Variants in VTI1A observed in about 807,000 individuals in gnomAD.
VTI1A encodes the protein vesicle transport through interaction with t-SNAREs homolog 1A.
Under a neutral mutation model 34.9 loss-of-function variants are expected in VTI1A, and 22 were observed. The ratio of observed to expected loss-of-function variants is 0.63; its 90% CI spans 0.45 to 0.90. The LOEUF is 0.90. Ranked by LOEUF, VTI1A falls within the 40% of genes least tolerant of loss-of-function variation. The pLI is 0.00. For synonymous variants in VTI1A, 87 were observed against 97.3 expected, an observed-to-expected ratio of 0.89 and a Z score of 0.62; for missense variants, 268 against 275.6, an observed-to-expected ratio of 0.97 and a Z score of 0.20.
chr10:112,763,236 C>T (rs771435690), intron 7 of VTI1A, among the ~76,000 whole-genome samples: 19 of 152,080 alleles, frequency 1.2e-4, no homozygotes, highest in South Asian at 4.2e-4. Context: ...GTCAGGAGAT[C>T]GAGACCATCC....
chr10:112,722,474 C>T lies in VTI1A; in HGVS notation c.560+53476C>T, dbSNP rs186739137. 9.5e-4 allele frequency among the ~76,000 whole-genome samples: 144 copies of T among 152,132 alleles called. 3 individuals carry two copies. In the East Asian group the frequency reaches 0.023, roughly 25 times the overall value. On this transcript the variant is annotated intron_variant, in intron 7 of 7. Coordinates refer to ENST00000393077, the MANE Select transcript of VTI1A (RefSeq NM_145206.4). ...TGTATGCATATGTAACAAACCTGCA[C>T]ATTGTGCACATGTACCCTAGAACTT...
intron 3 of VTI1A, among the ~76,000 whole-genome samples, chr10:112,495,742 A>T (rs764727810): frequency 6.6e-5 from 10 of 152,176 alleles, no homozygotes; most frequent in Non-Finnish European, 1.5e-4. Flanking sequence ...ACTTAGGGAG[A>T]GAAGAGAGTT....
At chr10:112,469,703 A>G (rs1848014948) in intron 3 of VTI1A, among the ~76,000 whole-genome samples, 1 of 152,130 alleles carries the variant, frequency 6.6e-6, no homozygotes, top group African/African-American at 2.4e-5. Flanking sequence ...GCCCTGGGCA[A>G]CCTCTAAAAT....
At chr10:112,482,630 T>C (rs982495495) in intron 3 of VTI1A, among the ~76,000 whole-genome samples, 1 of 152,188 alleles carries the variant, frequency 6.6e-6, no homozygotes, top group Non-Finnish European at 1.5e-5. Context: ...AGAATTTGCT[T>C]TTCACTCTGA....
At chr10:112,737,322 G>A (rs1850522161) in intron 7 of VTI1A, 1 of 1,021,622 alleles carries the variant, frequency 9.8e-7, no homozygotes, top group African/African-American at 1.7e-5. Context: ...AACCTTGTGA[G>A]CCACCGTGCC....
chr10:112,785,296 G>A (rs1225932574), intron 7 of VTI1A, among the ~76,000 whole-genome samples: 2 of 152,188 alleles, frequency 1.3e-5, no homozygotes, highest in East Asian at 3.9e-4. Flanking sequence ...CTTGTCAGAG[G>A]AATGACCAGA....
chr10:112,808,651 G>A (rs944304228), intron 7 of VTI1A, among the ~76,000 whole-genome samples: 6 of 151,102 alleles, frequency 4.0e-5, no homozygotes, highest in Non-Finnish European at 5.9e-5. Context: ...AAAAGAAAGC[G>A]AGAGAATCCC....
In VTI1A at chr10:112,689,750, GT is replaced by G. The variant is rs997064380; in HGVS notation, c.560+20762del. The stretch of plus-strand genomic sequence containing the variant: ...GATTTTTTTACTTTTGCTCTGCACA[GT>G]TTTTTTTTTAATTATTATTTACATA... On this transcript the variant is annotated intron_variant, in intron 7 of 7. Transcript: ENST00000393077. Among the ~76,000 whole-genome samples the G allele has an allele frequency of 3.9e-4, 58 of 149,378 alleles. 2 individuals carry two copies. The highest frequency in any genetic ancestry group is 1.7e-3 in the South Asian group (8 of 4,652).
At chr10:112,631,047 G>A (rs71483152) in intron 5 of VTI1A, among the ~76,000 whole-genome samples, 12 of 151,928 alleles carry the variant, frequency 7.9e-5, no homozygotes, top group South Asian at 2.1e-4. Flanking sequence ...GCTTGAACCC[G>A]GGAGCCGGGA....
intron 7 of VTI1A, among the ~76,000 whole-genome samples, chr10:112,728,013 C>T (rs1850102808): frequency 6.6e-6 from 1 of 152,162 alleles, no homozygotes; most frequent in South Asian, 2.1e-4. Context: ...AGGGTCCATT[C>T]CACACCCCTA....
At position 112,719,548 on chromosome 10, in the gene VTI1A, C is replaced by CT. The variant is rs759646217; in HGVS notation, c.560+50565dup. 5.5e-3 allele frequency among the ~76,000 whole-genome samples: 799 copies of CT among 144,402 alleles called. 3 individuals are homozygous for CT. Among genetic ancestry groups the CT allele is most frequent in the Middle Eastern group, 0.011 (3 of 278 alleles). 94.7% of individuals were successfully genotyped at this position (144,402 alleles called of 152,430 possible). On this transcript the variant is annotated intron_variant, in intron 7 of 7. Coordinates refer to ENST00000393077, the MANE Select transcript of VTI1A (RefSeq NM_145206.4). ...ACCATCACCACAAACAATTGTAGAA[C>CT]TTTTTTTTTTTTTTTGAGGCAGAGA...
intron 5 of VTI1A, among the ~76,000 whole-genome samples, chr10:112,593,569 G>GT (rs1167916228): frequency 7.2e-5 from 11 of 152,050 alleles, no homozygotes. Flanking sequence ...CATATGGAAA[G>GT]TTTAGGGAAA....
At chr10:112,751,899 C>T (rs753451423) in intron 7 of VTI1A, among the ~76,000 whole-genome samples, 17 of 152,188 alleles carry the variant, frequency 1.1e-4, no homozygotes, top group South Asian at 6.2e-4. Flanking sequence ...CTTTGCTCAA[C>T]GGTGAATTCA....
chr10:112,580,468 A>C (rs1018974182), intron 5 of VTI1A, among the ~76,000 whole-genome samples: 3 of 152,176 alleles, frequency 2.0e-5, no homozygotes, highest in African/African-American at 7.2e-5. Context: ...ACCATCGCAA[A>C]GGCCCAGCTG....
At chr10:112,726,545 G>C (rs925931836) in intron 7 of VTI1A, among the ~76,000 whole-genome samples, 9 of 152,096 alleles carry the variant, frequency 5.9e-5, no homozygotes, top group African/African-American at 1.9e-4. Context: ...GTGTTTCCTA[G>C]GAAGCATGGG....
At chr10:112,568,071 T>A (rs1333365269) in intron 5 of VTI1A, among the ~76,000 whole-genome samples, 1 of 152,146 alleles carries the variant, frequency 6.6e-6, no homozygotes, top group Non-Finnish European at 1.5e-5. Context: ...TGGAGCCCAC[T>A]GTGATATTTC....
rs139224333 is a variant in VTI1A at position 112,474,518 on chromosome 10, C to T, written c.264+9861C>T. 7.6e-3 allele frequency among the ~76,000 whole-genome samples: 1,142 copies of T among 150,174 alleles called. 12 individuals carry two copies. The highest frequency in any genetic ancestry group is 0.026 in the African/African-American group (1,075 of 40,726). On this transcript the variant is annotated intron_variant, in intron 3 of 7. Coordinates refer to ENST00000393077, the MANE Select transcript of VTI1A (RefSeq NM_145206.4). ...TCACCCAGGCTAGTGTACAGTGGTG[C>T]AATCACAGATCACAGTAGCCTTGAC...
intron 5 of VTI1A, among the ~76,000 whole-genome samples, chr10:112,618,500 TA>T (rs1231985094): frequency 6.3e-5 from 3 of 47,542 alleles, no homozygotes; most frequent in Non-Finnish European, 1.1e-4. Context: ...TATATATATA[TA>T]TATATATATA....
At chr10:112,671,864 TCTTTC>T (rs1336286353) in intron 7 of VTI1A, 6 of 152,200 alleles carry the variant, frequency 3.9e-5, no homozygotes, top group Non-Finnish European at 8.8e-5. Flanking sequence ...TTTCCTTCCT[TCTTTC>T]CTTTCTTCTC....
Sources: gnomAD v4.1 joint callset for allele counts (sites outside exome capture counted in the v4.1 genomes callset) on GRCh38, gnomAD v4.1.1 for gene constraint, MANE v1.5 for transcripts, NCBI Gene and HGNC (gene_info 2026-07-23, HGNC 2026-07-21) for gene names.